Variants in SOX7 observed in about 807,000 individuals in gnomAD.
SOX7 encodes the protein transcription factor SOX-7.
SOX7 carries 19 observed loss-of-function variants against 24.9 expected under a neutral mutation model. That is an observed-to-expected ratio of 0.76 (90% CI 0.53 to 1.12). The LOEUF (loss-of-function observed/expected upper bound fraction) is 1.12. SOX7 is among the 50% of genes most tolerant of loss of function. The pLI is 0.00. For synonymous variants in SOX7, 327 were observed against 244.5 expected (o/e 1.34, Z -3.15); for missense variants, 702 against 535.0 (o/e 1.31, Z -3.08).
rs1202420931 is a variant in SOX7 at position 10,730,384 on chromosome 8, G to A, written c.50C>T (p.Pro17Leu). The A allele has an allele frequency of 3.3e-6, 5 of 1,534,912 alleles. No individual in the cohort carries two copies. The highest frequency in any genetic ancestry group is 1.5e-5 in the African/African-American group (1 of 68,732). The change falls in exon 1 of 2, where the codon CCG (proline) becomes CTG (leucine). Residue 17 changes from proline to leucine, a missense_variant. Pro to Leu is a moderately conservative substitution (Grantham distance 98, BLOSUM62 -3). Transcript: ENST00000304501. The surrounding 1 kb of genome is among the most constrained non-coding windows in gnomAD (Gnocchi z 4.8). ...AYPWPEGLEC[P>L]ALDAELSDGQ... ...ATCCGACAGCTCGGCGTCCAGGGCCGGGCACTCGAGACCCTCGGGCCAAGG... is the reference window on the plus strand; with the variant it reads ...ATCCGACAGCTCGGCGTCCAGGGCCAGGCACTCGAGACCCTCGGGCCAAGG...
rs756913483 is a variant in SOX7 at position 10,730,149 on chromosome 8, G to A, written c.238+47C>T. ...CGCCCTGCAGTGCCGCCAGCCGCCC[G>A]CCGCCCGCCCCCGGCCCCCAGCCCG... On this transcript the variant is annotated intron_variant, in intron 1 of 1. Coordinates refer to ENST00000304501, the MANE Select transcript of SOX7 (RefSeq NM_031439.4). This position sits in a 1 kb window ranked among gnomAD's most constrained non-coding sequence, Gnocchi z 4.8. 1.2e-6 allele frequency: 1 copy of A among 848,868 alleles called. No homozygotes were observed. Among genetic ancestry groups the A allele is most frequent in the East Asian group, 3.4e-5 (1 of 29,244 alleles). 52.6% of individuals were successfully genotyped at this position (848,868 alleles called of 1,614,324 possible).
chr8:10,726,440 C>G lies in SOX7; in HGVS notation c.465G>C (p.Ala155=), dbSNP rs1320154641. Residue 155 remains alanine, a synonymous_variant, in exon 2 of 2, where the codon GCG becomes GCC. Transcript: ENST00000304501. Reference sequence around the variant, plus strand: ...CACCCCTGTCCTCCTTCTCCCCCAGCGCCCCCCGGCTGCCGCTTCTCTTCT... The same window carrying G: ...CACCCCTGTCCTCCTTCTCCCCCAGGGCCCCCCGGCTGCCGCTTCTCTTCT... ...LPEKRSGSRG[A]LGEKEDRGEY... is the part of the protein sequence containing the mutation. 6.2e-7 allele frequency: 1 copy of G among 1,612,144 alleles called. No homozygotes were observed. Among genetic ancestry groups the G allele is most frequent in the East Asian group, 2.2e-5 (1 of 44,864 alleles).
intron 1 of SOX7, among the ~76,000 whole-genome samples, chr8:10,727,138 T>A (rs374788070): frequency 6.6e-6 from 1 of 152,344 alleles, no homozygotes; most frequent in Middle Eastern, 3.4e-3. Flanking sequence ...CATATTTACC[T>A]ATGGCATAAA....
chr8:10,726,149 G>C lies in SOX7; in HGVS notation c.756C>G (p.His252Gln), dbSNP rs778404377. Residue 252 changes from histidine (H) to glutamine (Q), a missense_variant, in exon 2 of 2, where the codon CAC becomes CAG. Physicochemically the swap from His to Gln is conservative, Grantham distance 24. Coordinates refer to ENST00000304501, the MANE Select transcript of SOX7 (RefSeq NM_031439.4). ...YSPEYAPSPL[H>Q]CSHPLGSLAL... ...CCAGGGAGCCCAGGGGGTGGCTACA[G>C]TGGAGAGGGCTTGGGGCGTACTCCG... 3 of 1,597,514 alleles carry C rather than the reference G, an allele frequency of 1.9e-6. No individual in the cohort carries two copies. In the Admixed American group the frequency reaches 5.1e-5, roughly 27 times the overall value.
chr8:10,728,701 A>G (rs1800202888), intron 1 of SOX7, among the ~76,000 whole-genome samples: 2 of 152,076 alleles, frequency 1.3e-5, no homozygotes, highest in Non-Finnish European at 2.9e-5. Context: ...CTGCAGAGCC[A>G]TGCTCCTCTC....
Position 10,726,401 on chromosome 8 carries a change from G to T in SOX7, c.504C>A (p.Gly168=). ...AGCCCCGGAGGCTGGGCAGGGCAGT[G>T]CCGGGGGAGTACTCACCCCTGTCCT... The part of the protein sequence containing the change: ...EKEDRGEYSP[G]TALPSLRGCY... Residue 168 remains glycine (G), a synonymous_variant, in exon 2 of 2, where the codon GGC becomes GGA. Transcript: ENST00000304501. 6.2e-7 allele frequency: 1 copy of T among 1,612,208 alleles called. No individual in the cohort carries two copies.
intron 1 of SOX7, among the ~76,000 whole-genome samples, chr8:10,727,059 T>A (rs1800169966): frequency 6.6e-6 from 1 of 152,162 alleles, no homozygotes; most frequent in Non-Finnish European, 1.5e-5. Flanking sequence ...CAGGGTCCAT[T>A]CTAAACATTT....
intron 1 of SOX7, among the ~76,000 whole-genome samples, chr8:10,729,008 A>AGGCCCCAGAC (rs1242466869): frequency 6.6e-6 from 1 of 152,252 alleles, no homozygotes; most frequent in Non-Finnish European, 1.5e-5. Flanking sequence ...AGGCCCCAGA[A>AGGCCCCAGAC]GGCCCCAGAC....
In SOX7 at chr8:10,730,459, G is replaced by A. The variant is rs746935283; in HGVS notation, c.-26C>T. On this transcript the variant is annotated 5_prime_UTR_variant, in exon 1 of 2. Coordinates refer to ENST00000304501, the MANE Select transcript of SOX7 (RefSeq NM_031439.4). The surrounding 1 kb of genome is among the most constrained non-coding windows in gnomAD (Gnocchi z 4.8). ...GGCCGCACGCGGGTCGCCTCGCTTC[G>A]CCTGGCGGGGCAGGCGCGGACCTGG... The A allele has an allele frequency of 2.8e-6, 4 of 1,418,330 alleles. No homozygotes were observed. Among genetic ancestry groups the A allele is most frequent in the South Asian group, 1.5e-5 (1 of 66,650 alleles). 87.9% of individuals were successfully genotyped at this position (1,418,330 alleles called of 1,614,324 possible).
Position 10,726,166 on chromosome 8 carries a change from C to T in SOX7, c.739G>A (p.Ala247Thr), listed in dbSNP as rs1417374815. The T allele has an allele frequency of 1.1e-5, 17 of 1,605,034 alleles. No homozygotes were observed. The highest frequency in any genetic ancestry group is 1.7e-4 in the Middle Eastern group (1 of 6,038). The change falls in exon 2 of 2, where the codon GCC (alanine) becomes ACC (threonine). Residue 247 changes from alanine (A) to threonine (T), a missense_variant. Ala to Thr is a moderately conservative substitution (Grantham distance 58, BLOSUM62 0). Coordinates refer to ENST00000304501, the MANE Select transcript of SOX7 (RefSeq NM_031439.4). Reference sequence around the variant, plus strand: ...TGGCTACAGTGGAGAGGGCTTGGGGCGTACTCCGGTGAGTACGGGTGCCCT... The same window carrying T: ...TGGCTACAGTGGAGAGGGCTTGGGGTGTACTCCGGTGAGTACGGGTGCCCT... ...LPGHPYSPEY[A>T]PSPLHCSHPL...
chr8:10,727,822 A>G (rs1337158903), intron 1 of SOX7, among the ~76,000 whole-genome samples: 1 of 152,234 alleles, frequency 6.6e-6, no homozygotes, highest in Non-Finnish European at 1.5e-5. Flanking sequence ...CTAGAGGTTA[A>G]GGCCTAAGGA....
chr8:10,729,432 A>C (rs1800217316), intron 1 of SOX7: 1 of 152,146 alleles, frequency 6.6e-6, no homozygotes, highest in Non-Finnish European at 1.5e-5. Context: ...AGAAAAAAGA[A>C]ACCCCCATAG....
chr8:10,728,144 G>A (rs1424465661), intron 1 of SOX7, among the ~76,000 whole-genome samples: 1 of 152,214 alleles, frequency 6.6e-6, no homozygotes, highest in Non-Finnish European at 1.5e-5. Flanking sequence ...CAAGATGCAG[G>A]TGCACCCCAT....
chr8:10,730,423 A>C lies in SOX7; in HGVS notation c.11T>G (p.Leu4Arg). The change falls in exon 1 of 2, where the codon CTG becomes CGG. Residue 4 changes from leucine (L) to arginine (R), a missense_variant. Physicochemically the swap from Leu to Arg is moderately radical, Grantham distance 102 (BLOSUM62 -2). Coordinates refer to ENST00000304501, the MANE Select transcript of SOX7 (RefSeq NM_031439.4). The surrounding 1 kb of genome is among the most constrained non-coding windows in gnomAD (Gnocchi z 4.8). ...CTCGGGCCAAGGGTAGGCTCCCAGCAGCGAAGCCATGGCCGCACGCGGGTC... is the reference window on the plus strand; with the variant it reads ...CTCGGGCCAAGGGTAGGCTCCCAGCCGCGAAGCCATGGCCGCACGCGGGTC... MAS[L>R]LGAYPWPEGL... 1 of 1,481,386 alleles carries C rather than the reference A, an allele frequency of 6.8e-7. No individual in the cohort carries two copies. The highest frequency in any genetic ancestry group is 8.9e-7 in the Non-Finnish European group (1 of 1,122,422). The allele number at this position is 1,481,386 out of a possible 1,614,324, so 91.8% of individuals were successfully genotyped here.
Position 10,726,513 on chromosome 8 carries a change from G to C in SOX7, c.392C>G (p.Pro131Arg), listed in dbSNP as rs780094019. Residue 131 changes from proline (P) to arginine (R), a missense_variant, in exon 2 of 2, where the codon CCG (proline) becomes CGG (arginine). Pro to Arg is a moderately radical substitution (Grantham distance 103, BLOSUM62 -2). Transcript: ENST00000304501. The stretch of plus-strand genomic sequence containing the variant: ...GGAGAGGGAGCTCAGAAGGAAGCCC[G>C]GGTCCACGCGCTTGCACAGCCGCTT... The part of the protein sequence containing the change: ...QAKRLCKRVD[P>R]GFLLSSLSRD... 6.2e-7 allele frequency: 1 copy of C among 1,612,456 alleles called. No individual in the cohort carries two copies. Among genetic ancestry groups the C allele is most frequent in the South Asian group, 1.1e-5 (1 of 91,080 alleles).
At position 10,726,475 on chromosome 8, in the gene SOX7, C is replaced by A; in HGVS notation, c.430G>T (p.Ala144Ser). The A allele has an allele frequency of 6.2e-7, 1 of 1,612,310 alleles. No homozygotes were observed. The highest frequency in any genetic ancestry group is 1.1e-5 in the South Asian group (1 of 91,078). The change falls in exon 2 of 2, where the codon GCC (alanine) becomes TCC (serine). Residue 144 changes from alanine to serine, a missense_variant. Physicochemically the swap from Ala to Ser is moderately conservative, Grantham distance 99 (BLOSUM62 1). Coordinates refer to ENST00000304501, the MANE Select transcript of SOX7 (RefSeq NM_031439.4). Reference sequence around the variant, plus strand: ...CTGCCGCTTCTCTTCTCCGGCAGGGCGTTCTGGTCCCGGGAGAGGGAGCTC... The same window carrying A: ...CTGCCGCTTCTCTTCTCCGGCAGGGAGTTCTGGTCCCGGGAGAGGGAGCTC... ...LLSSLSRDQN[A>S]LPEKRSGSRG...
Position 10,726,073 on chromosome 8 carries a change from G to C in SOX7, c.832C>G (p.Pro278Ala), listed in dbSNP as rs756872253. The change falls in exon 2 of 2, where the codon CCC becomes GCC. Residue 278 changes from proline to alanine, a missense_variant. Transcript: ENST00000304501. ...VSMMSPVPGCPPSPAYYSPAT... is the reference protein window; with the variant it reads ...VSMMSPVPGCAPSPAYYSPAT... ...GGGGAGTAATAGGCAGGAGATGGGG[G>C]ACAGCCGGGTACAGGGGACATCATG... is the stretch of plus-strand genomic sequence containing the variant. 2 of 1,564,026 alleles carry C rather than the reference G, an allele frequency of 1.3e-6. No homozygotes were observed. Among genetic ancestry groups the C allele is most frequent in the Non-Finnish European group, 1.7e-6 (2 of 1,154,584 alleles).
At chr8:10,729,797 C>A (rs1264225823) in intron 1 of SOX7, among the ~76,000 whole-genome samples, 1 of 152,170 alleles carries the variant, frequency 6.6e-6, no homozygotes. Flanking sequence ...GCTTTTCCCG[C>A]TTCGGTATTC....
At chr8:10,726,774 C>A (rs1800165029) in intron 1 of SOX7, 108 bp from the exon 2 acceptor site, 2 of 1,031,060 alleles carry the variant, frequency 1.9e-6, no homozygotes, top group Non-Finnish European at 1.4e-6. Flanking sequence ...CTCCCTTCCC[C>A]CTCCCAGCCA....
Sources: gnomAD v4.1 joint callset for allele counts (sites outside exome capture counted in the v4.1 genomes callset) on GRCh38, gnomAD v4.1.1 for gene constraint, Gnocchi (gnomAD v3.1) non-coding constraint, MANE v1.5 for transcripts, NCBI Gene and HGNC (gene_info 2026-07-23, HGNC 2026-07-21) for gene names.